Variants in MET observed in about 807,000 individuals in gnomAD.
The protein encoded by MET is hepatocyte growth factor receptor.
Under a neutral mutation model 133.1 loss-of-function variants are expected in MET, and 48 were observed. The observed-to-expected ratio is 0.36, with a 90% CI of 0.29 to 0.46. The LOEUF (loss-of-function observed/expected upper bound fraction) is 0.46. Among genes scored for constraint, MET ranks in the 20% least tolerant of loss-of-function variants. The pLI is 1.00. For synonymous variants in MET, 628 were observed against 616.5 expected (o/e 1.02, Z -0.28); for missense variants, 1,442 against 1,695.9 (o/e 0.85, Z 2.63).
intron 5 of MET, 69 bp downstream of exon 5, chr7:116,741,094 GGTTTGTT>G: frequency 6.5e-7 from 1 of 1,550,116 alleles, no homozygotes; most frequent in Non-Finnish European, 8.7e-7. Context: ...GGTTTGGTTT[GGTTTGTT>G]TTTTGTTTTT....
chr7:116,731,423 G>C (rs1049916748), intron 2 of MET, among the ~76,000 whole-genome samples: 1 of 152,100 alleles, frequency 6.6e-6, no homozygotes, highest in Admixed American at 6.5e-5. Flanking sequence ...TCCATTTTTA[G>C]GCGTGCACAT....
At position 116,672,556 on chromosome 7, in the gene MET, A is replaced by G. The variant is rs1796012538; in HGVS notation, c.-36A>G. 2 of 395,662 alleles carry G rather than the reference A, an allele frequency of 5.1e-6. No individual in the cohort carries two copies. The highest frequency in any genetic ancestry group is 2.1e-5 in the African/African-American group (1 of 48,508). 24.5% of individuals were successfully genotyped at this position (395,662 alleles called of 1,614,324 possible). On this transcript the variant is annotated 5_prime_UTR_variant, in exon 1 of 21. Transcript: ENST00000397752. The stretch of plus-strand genomic sequence containing the variant: ...TGGTCCTTGCGCCGCTGACTTCTCC[A>G]CTGGTTCCTGGGCACCGAAAGGTAA...
intron 2 of MET, among the ~76,000 whole-genome samples, chr7:116,707,217 G>A (rs111900049): frequency 6.6e-6 from 1 of 152,036 alleles, no homozygotes; most frequent in African/African-American, 2.4e-5. Flanking sequence ...TTAGACCAAA[G>A]CTTTGTTTTA....
chr7:116,682,897 C>G (rs1335909469), intron 1 of MET, among the ~76,000 whole-genome samples: 6 of 152,138 alleles, frequency 3.9e-5, no homozygotes, highest in African/African-American at 1.4e-4. Context: ...AGAGTAAACA[C>G]AAGCCCAGTT....
intron 1 of MET, among the ~76,000 whole-genome samples, chr7:116,697,697 C>T (rs1162012536): frequency 1.3e-5 from 2 of 152,160 alleles, no homozygotes; most frequent in African/African-American, 4.8e-5. Context: ...CAATGATGAG[C>T]CAAGCAGACC....
At chr7:116,727,974 G>A (rs1011045998) in intron 2 of MET, among the ~76,000 whole-genome samples, 1 of 152,188 alleles carries the variant, frequency 6.6e-6, no homozygotes, top group East Asian at 1.9e-4. Context: ...AAGACAGGGT[G>A]CAGCTCTGTA....
intron 6 of MET, among the ~76,000 whole-genome samples, chr7:116,756,852 C>T (rs1435075239): frequency 6.6e-6 from 1 of 152,104 alleles, no homozygotes; most frequent in African/African-American, 2.4e-5. Flanking sequence ...GATTATTATG[C>T]ACTATTCAAC....
At chr7:116,717,453 A>T (rs1301004112) in intron 2 of MET, among the ~76,000 whole-genome samples, 2 of 152,258 alleles carry the variant, frequency 1.3e-5, no homozygotes, top group Non-Finnish European at 2.9e-5. Context: ...TCCTGAAATT[A>T]AAGCAATTAA....
rs1021522920 is a variant in MET at position 116,686,049 on chromosome 7, C to T, written c.-14-13022C>T. Among the ~76,000 whole-genome samples the T allele has an allele frequency of 3.3e-5, 5 of 152,154 alleles. No homozygotes were observed. The South Asian group carries it at 6.2e-4, about 19-fold the overall frequency. On this transcript the variant is annotated intron_variant, in intron 1 of 20. Coordinates refer to ENST00000397752, the MANE Select transcript of MET (RefSeq NM_000245.4). ...CTCCCAGCTGGCCTCACCACTCCACCTTTGCCCTGAACTGCCCCCCAGCCA... is the reference window on the plus strand; with the variant it reads ...CTCCCAGCTGGCCTCACCACTCCACTTTTGCCCTGAACTGCCCCCCAGCCA...
Position 116,755,405 on chromosome 7 carries a change from T to C in MET, c.1752T>C (p.Cys584=), listed in dbSNP as rs2116909383. ...AAGGAGGGACAAGGCTGACCATATG[T>C]GGCTGGGACTTTGGATTTCGGAGGA... The part of the protein sequence containing the change: ...PLEGGTRLTI[C]GWDFGFRRNN... Residue 584 remains cysteine, a synonymous_variant, in exon 6 of 21, where the codon TGT becomes TGC. Coordinates refer to ENST00000397752, the MANE Select transcript of MET (RefSeq NM_000245.4). 1 of 1,614,160 alleles carries C rather than the reference T, an allele frequency of 6.2e-7. No individual in the cohort carries two copies. The highest frequency in any genetic ancestry group is 8.5e-7 in the Non-Finnish European group (1 of 1,180,018).
chr7:116,762,277 C>T (rs1329065140), intron 10 of MET, among the ~76,000 whole-genome samples: 1 of 152,048 alleles, frequency 6.6e-6, no homozygotes, highest in East Asian at 1.9e-4. Flanking sequence ...AGTTAATGGC[C>T]TAGGATTTAT....
chr7:116,743,848 C>T (rs1793555910), intron 5 of MET, among the ~76,000 whole-genome samples: 1 of 152,212 alleles, frequency 6.6e-6, no homozygotes, highest in Non-Finnish European at 1.5e-5. Context: ...GAATAGGCAG[C>T]AATCTTTGCT....
intron 6 of MET, among the ~76,000 whole-genome samples, chr7:116,756,220 G>C (rs1332466514): frequency 6.6e-6 from 1 of 152,136 alleles, no homozygotes; most frequent in African/African-American, 2.4e-5. Context: ...TAGTTCTACT[G>C]TATTCTACAT....
intron 2 of MET, among the ~76,000 whole-genome samples, chr7:116,730,128 C>A (rs1030531848): frequency 6.6e-6 from 1 of 152,154 alleles, no homozygotes; most frequent in African/African-American, 2.4e-5. Context: ...GGGGTCAGGG[C>A]AGGCCTCCTG....
intron 19 of MET, among the ~76,000 whole-genome samples, chr7:116,793,324 A>G (rs1795571283): frequency 6.6e-6 from 1 of 151,686 alleles, no homozygotes; most frequent in South Asian, 2.1e-4. Flanking sequence ...ACAGGTGCAC[A>G]CCACCATGCC....
At chr7:116,776,066 G>C (rs181318630) in intron 15 of MET, among the ~76,000 whole-genome samples, 64 of 151,540 alleles carry the variant, frequency 4.2e-4, no homozygotes, top group Admixed American at 2.8e-3. Context: ...CATTCTTCTT[G>C]TTGTTTTTTT....
intron 19 of MET, among the ~76,000 whole-genome samples, chr7:116,790,703 G>C (rs1584972889): frequency 6.6e-6 from 1 of 152,244 alleles, no homozygotes; most frequent in Middle Eastern, 3.4e-3. Context: ...TTCCACAGCA[G>C]AGTAGTTCAT....
Position 116,672,526 on chromosome 7 carries a change from G to T in MET, c.-66G>T, listed in dbSNP as rs886061941. Reference sequence around the variant, plus strand: ...GAGGAGGCGGGGAGGCGCGGAGCGCGCGTGTGGTCCTTGCGCCGCTGACTT... The same window carrying T: ...GAGGAGGCGGGGAGGCGCGGAGCGCTCGTGTGGTCCTTGCGCCGCTGACTT... On this transcript the variant is annotated 5_prime_UTR_variant, in exon 1 of 21. Coordinates refer to ENST00000397752, the MANE Select transcript of MET (RefSeq NM_000245.4). The T allele has an allele frequency of 7.3e-5, 29 of 397,686 alleles. No individual in the cohort carries two copies. The highest frequency in any genetic ancestry group is 5.4e-4 in the African/African-American group (26 of 48,598). The allele number at this position is 397,686 out of a possible 1,614,324, so 24.6% of individuals were successfully genotyped here.
intron 2 of MET, among the ~76,000 whole-genome samples, chr7:116,706,297 G>A (rs534827373): frequency 4.6e-5 from 7 of 152,126 alleles, no homozygotes; most frequent in African/African-American, 1.7e-4. Flanking sequence ...TCTTATTTAG[G>A]TAGTTGATTT....
Sources: gnomAD v4.1 joint callset for allele counts (sites outside exome capture counted in the v4.1 genomes callset) on GRCh38, gnomAD v4.1.1 for gene constraint, MANE v1.5 for transcripts, NCBI Gene and HGNC (gene_info 2026-07-23, HGNC 2026-07-21) for gene names.